The following TRIP6 variants were observed in gnomAD, a reference collection of about 807,000 sequenced individuals.
The protein encoded by TRIP6 is thyroid hormone receptor interactor 6.
A neutral mutation model predicts 51.9 loss-of-function variants in TRIP6; 33 were observed. That is an observed-to-expected ratio of 0.64 (90% CI 0.48 to 0.85). The LOEUF (loss-of-function observed/expected upper bound fraction) is 0.85. TRIP6 is among the 40% of genes least tolerant of loss of function. TRIP6 has a pLI of 0.00. For missense variants in TRIP6, 661 were observed against 652.1 expected (o/e 1.01, Z -0.15); for synonymous variants, 255 against 275.8 (o/e 0.92, Z 0.75).
At chr7:100,872,953 T>G in intron 8 of TRIP6, 1 of 1,069,718 alleles carries the variant, frequency 9.3e-7, no homozygotes, top group Admixed American at 3.0e-5. Flanking sequence ...CGGGTTCAAG[T>G]GATTCTCCTG....
rs1815184086 is a variant in TRIP6 at position 100,868,111 on chromosome 7, C to T, written c.241C>T (p.Leu81Phe). 5 of 1,613,136 alleles carry T rather than the reference C, an allele frequency of 3.1e-6. No homozygotes were observed. Among genetic ancestry groups the T allele is most frequent in the Non-Finnish European group, 4.2e-6 (5 of 1,179,772 alleles). The change falls in exon 3 of 9, where the codon CTC becomes TTC. Residue 81 changes from leucine to phenylalanine, a missense_variant. By Grantham distance (22) the Leu-to-Phe change is conservative. Transcript: ENST00000200457. ...SHGVLQHTQG[L>F]PADRGGLRPG... Reference sequence around the variant, plus strand: ...CCTGCCCTGGCTCCATCCTCAGGGGCTCCCTGCAGACAGGGGGGGCCTTCG... The same window carrying T: ...CCTGCCCTGGCTCCATCCTCAGGGGTTCCCTGCAGACAGGGGGGGCCTTCG...
rs755534293 is a variant in TRIP6, at chr7:100,870,716, G to C, written c.972G>C (p.Arg324Ser). 4.3e-6 allele frequency: 7 copies of C among 1,613,908 alleles called. No individual in the cohort carries two copies. The highest frequency in any genetic ancestry group is 5.9e-6 in the Non-Finnish European group (7 of 1,179,898). Residue 324 changes from arginine to serine, a missense_variant, in exon 6 of 9, where the codon AGG becomes AGC. Transcript: ENST00000200457. ...GCCAGCATTTCTACGCCGTGGAGAG[G>C]AGGGCATATTGCGAGGGCTGCTACG... ...LRGQHFYAVERRAYCEGCYVA... is the reference protein window; with the variant it reads ...LRGQHFYAVESRAYCEGCYVA...
Position 100,867,689 on chromosome 7 carries a change from T to G in TRIP6, c.109+83T>G, listed in dbSNP as rs1815170817. 3.2e-6 allele frequency: 5 copies of G among 1,559,050 alleles called. No homozygotes were observed. Among genetic ancestry groups the G allele is most frequent in the Non-Finnish European group, 3.5e-6 (4 of 1,147,302 alleles). On this transcript the variant is annotated intron_variant, in intron 1 of 8. Transcript: ENST00000200457. The surrounding 1 kb of genome is among the most constrained non-coding windows in gnomAD (Gnocchi z 5.4). The stretch of plus-strand genomic sequence containing the variant: ...TACCGCTCCAGCCTCCCGCCCTGGC[T>G]GCTTCCTCCTGCCCCTTCCCCAAGC...
Position 100,868,667 on chromosome 7 carries a change from G to T in TRIP6, c.536G>T (p.Arg179Met), listed in dbSNP as rs754245561. 5 of 1,607,782 alleles carry T rather than the reference G, an allele frequency of 3.1e-6. No individual in the cohort carries two copies. The highest frequency in any genetic ancestry group is 4.2e-6 in the Non-Finnish European group (5 of 1,176,862). ...CAAGTGAAGGTGGCACAGCCAGTGA[G>T]GGGCTGCGGCCCACCCAGGCGGGGA... The part of the protein sequence containing the change: ...PVQVKVAQPV[R>M]GCGPPRRGAS... Residue 179 changes from arginine (R) to methionine (M), a missense_variant, in exon 4 of 9, where the codon AGG becomes ATG. Transcript: ENST00000200457.
In TRIP6 at chr7:100,870,361, A is replaced by G. The variant is rs368636741; in HGVS notation, c.736-9A>G. 175 of 1,610,578 alleles carry G rather than the reference A, an allele frequency of 1.1e-4. No individual in the cohort carries two copies. The highest frequency in any genetic ancestry group is 2.2e-4 in the Middle Eastern group (1 of 4,494). ...TAGAGTAGGACCGAGCCCGATTCCCACCTTCCAGGTGCCCCTGAGCCAGCC... is the reference window on the plus strand; with the variant it reads ...TAGAGTAGGACCGAGCCCGATTCCCGCCTTCCAGGTGCCCCTGAGCCAGCC... On this transcript the variant is annotated splice_polypyrimidine_tract_variant and intron_variant, in intron 4 of 8. Coordinates refer to ENST00000200457, the MANE Select transcript of TRIP6 (RefSeq NM_003302.3).
chr7:100,873,221 C>T lies in TRIP6; in HGVS notation c.1349C>T (p.Pro450Leu), dbSNP rs1815314359. ...SSEGECQGCYPLDGHILCKAC... is the reference protein window; with the variant it reads ...SSEGECQGCYLLDGHILCKAC... ...GAGGGCGAGTGTCAGGGCTGCTACC[C>T]GCTGGATGGGCACATCTTGTGCAAG... is the stretch of plus-strand genomic sequence containing the variant. Residue 450 changes from proline (P) to leucine (L), a missense_variant, in exon 9 of 9, where the codon CCG becomes CTG. Transcript: ENST00000200457. The T allele has an allele frequency of 5.6e-6, 9 of 1,613,700 alleles. No homozygotes were observed. The highest frequency in any genetic ancestry group is 2.2e-5 in the East Asian group (1 of 44,880).
Position 100,867,998 on chromosome 7 carries a change from G to A in TRIP6, c.237+10G>A. 2 of 1,514,768 alleles carry A rather than the reference G, an allele frequency of 1.3e-6. No individual in the cohort carries two copies. The highest frequency in any genetic ancestry group is 1.3e-5 in the South Asian group (1 of 75,314). The allele number at this position is 1,514,768 out of a possible 1,614,324, so 93.8% of individuals were successfully genotyped here. On this transcript the variant is annotated intron_variant, in intron 2 of 8. Transcript: ENST00000200457. The surrounding 1 kb of genome is among the most constrained non-coding windows in gnomAD (Gnocchi z 5.4). ...ACTCCAGCACACGCAGGTGAGACCC[G>A]GGATCGTGGGGTGGGACATGTGGGA... is the stretch of plus-strand genomic sequence containing the variant.
In TRIP6 at chr7:100,873,401, G is replaced by T; in HGVS notation, c.*98G>T. 2 of 1,467,176 alleles carry T rather than the reference G, an allele frequency of 1.4e-6. No individual in the cohort carries two copies. Among genetic ancestry groups the T allele is most frequent in the Non-Finnish European group, 1.8e-6 (2 of 1,103,958 alleles). 90.9% of individuals were successfully genotyped at this position (1,467,176 alleles called of 1,614,324 possible). On this transcript the variant is annotated 3_prime_UTR_variant, in exon 9 of 9. Coordinates refer to ENST00000200457, the MANE Select transcript of TRIP6 (RefSeq NM_003302.3). ...CACCTGTATGACTTTGTCACCAAAT[G>T]CTGTCTTCTCTTTCTCCAATCAAGA...
chr7:100,870,855 G>T (rs1307125093), intron 6 of TRIP6, 112 bp downstream of exon 6: 2 of 1,393,710 alleles, frequency 1.4e-6, no homozygotes, highest in Non-Finnish European at 1.9e-6. Context: ...TAAAAGCCAG[G>T]CGACTGAAAG....
In TRIP6 at chr7:100,871,579, A is replaced by T. The variant is rs1563003316; in HGVS notation, c.1036A>T (p.Ile346Phe). The T allele has an allele frequency of 6.2e-7, 1 of 1,614,072 alleles. No homozygotes were observed. Among genetic ancestry groups the T allele is most frequent in the Non-Finnish European group, 8.5e-7 (1 of 1,180,016 alleles). The part of the protein sequence containing the change: ...LEKCATCSQP[I>F]LDRILRAMGK... ...GAAATGTGCCACGTGCTCCCAGCCCATCCTGGACCGGATCCTGCGGGCTAT... is the reference window on the plus strand; with the variant it reads ...GAAATGTGCCACGTGCTCCCAGCCCTTCCTGGACCGGATCCTGCGGGCTAT... Residue 346 changes from isoleucine to phenylalanine, a missense_variant, in exon 7 of 9, where the codon ATC becomes TTC. Ile to Phe is a conservative substitution (Grantham distance 21). Coordinates refer to ENST00000200457, the MANE Select transcript of TRIP6 (RefSeq NM_003302.3).
At position 100,873,246 on chromosome 7, in the gene TRIP6, G is replaced by C. The variant is rs1387515809; in HGVS notation, c.1374G>C (p.Lys458Asn). The change falls in exon 9 of 9, where the codon AAG becomes AAC. Residue 458 changes from lysine (K) to asparagine (N), a missense_variant. Physicochemically the swap from Lys to Asn is moderately conservative, Grantham distance 94. Coordinates refer to ENST00000200457, the MANE Select transcript of TRIP6 (RefSeq NM_003302.3). ...CYPLDGHILC[K>N]ACSAWRIQEL... ...CGCTGGATGGGCACATCTTGTGCAAGGCCTGCAGCGCCTGGCGCATCCAGG... is the reference window on the plus strand; with the variant it reads ...CGCTGGATGGGCACATCTTGTGCAACGCCTGCAGCGCCTGGCGCATCCAGG... 5 of 1,613,492 alleles carry C rather than the reference G, an allele frequency of 3.1e-6. No homozygotes were observed.
intron 6 of TRIP6, 116 bp downstream of exon 6, chr7:100,870,859 C>A: frequency 2.2e-6 from 3 of 1,380,776 alleles, no homozygotes; most frequent in Non-Finnish European, 2.9e-6. Flanking sequence ...AGCCAGGCGA[C>A]TGAAAGTGAT....
At chr7:100,872,181 GTTTT>G (rs34239953) in intron 7 of TRIP6, among the ~76,000 whole-genome samples, 2 of 95,592 alleles carry the variant, frequency 2.1e-5, no homozygotes, top group African/African-American at 4.2e-5. Flanking sequence ...CGCCTGGCTA[GTTTT>G]TTTTTTTTTT....
chr7:100,869,578 G>C (rs1815225058), intron 4 of TRIP6, among the ~76,000 whole-genome samples: 1 of 144,552 alleles, frequency 6.9e-6, no homozygotes. Context: ...GTTGCGGTGA[G>C]CCGAGATCGC....
rs1815275585 is a variant in TRIP6, at chr7:100,871,710, G to A, written c.1167G>A (p.Glu389=). The A allele has an allele frequency of 6.2e-7, 1 of 1,613,768 alleles. No homozygotes were observed. The highest frequency in any genetic ancestry group is 1.3e-5 in the African/African-American group (1 of 74,942). The change falls in exon 7 of 9, where the codon GAG becomes GAA. Residue 389 remains glutamate, a synonymous_variant. Coordinates refer to ENST00000200457, the MANE Select transcript of TRIP6 (RefSeq NM_003302.3). ...VDATSQIHCI[E]DFHRKFAPRC... is the part of the protein sequence containing the mutation. ...CTACGAGCCAGATCCACTGCATTGA[G>A]GACTTTCACAGGTCAGGCCTGGCCT... is the stretch of plus-strand genomic sequence containing the variant.
chr7:100,868,971 AGT>A (rs1168277470), intron 4 of TRIP6, 105 bp downstream of exon 4: 1 of 1,354,910 alleles, frequency 7.4e-7, no homozygotes, highest in Non-Finnish European at 9.5e-7. Context: ...TTTGAGACAG[AGT>A]TTTGCTCTTG....
intron 4 of TRIP6, 81 bp downstream of exon 4, chr7:100,868,947 G>A: frequency 3.6e-6 from 5 of 1,406,066 alleles, no homozygotes; most frequent in Admixed American, 5.7e-5. Context: ...GTGTTTTAGG[G>A]GGCTTTTTTG....
chr7:100,870,434 T>C lies in TRIP6; in HGVS notation c.800T>C (p.Met267Thr), dbSNP rs369872800. 10 of 1,613,346 alleles carry C rather than the reference T, an allele frequency of 6.2e-6. No individual in the cohort carries two copies. Among genetic ancestry groups the C allele is most frequent in the Non-Finnish European group, 6.8e-6 (8 of 1,179,944 alleles). Residue 267 changes from methionine to threonine, a missense_variant, in exon 5 of 9, where the codon ATG becomes ACG. Physicochemically the swap from Met to Thr is moderately conservative, Grantham distance 81 (BLOSUM62 -1). Coordinates refer to ENST00000200457, the MANE Select transcript of TRIP6 (RefSeq NM_003302.3). ...CTGACGAAGAAGCTGGTTCACGACA[T>C]GAACCACCCGCCCAGCGGGGAGTAC... ...DRLTKKLVHD[M>T]NHPPSGEYFG...
In TRIP6 at chr7:100,867,926, G is replaced by A. The variant is rs1815178290; in HGVS notation, c.175G>A (p.Gly59Arg). Reference protein sequence around the residue: ...LPSEQCYQAPGGPEDRGPAWV... With the variant: ...LPSEQCYQAPRGPEDRGPAWV... ...ATCTGAGCAGTGTTACCAGGCCCCA[G>A]GGGGACCGGAGGATCGGGGGCCGGC... The change falls in exon 2 of 9, where the codon GGG becomes AGG. Residue 59 changes from glycine to arginine, a missense_variant. Coordinates refer to ENST00000200457, the MANE Select transcript of TRIP6 (RefSeq NM_003302.3). This position sits in a 1 kb window ranked among gnomAD's most constrained non-coding sequence, Gnocchi z 5.4. The A allele has an allele frequency of 2.0e-6, 3 of 1,518,388 alleles. No individual in the cohort carries two copies. The highest frequency in any genetic ancestry group is 1.4e-5 in the African/African-American group (1 of 71,310). 94.1% of individuals were successfully genotyped at this position (1,518,388 alleles called of 1,614,324 possible). A position where few individuals can be genotyped will look rare whatever the true frequency, so the allele number is the denominator to read the frequency against.
Sources: gnomAD v4.1 joint callset for allele counts (sites outside exome capture counted in the v4.1 genomes callset) on GRCh38, gnomAD v4.1.1 for gene constraint, Gnocchi (gnomAD v3.1) non-coding constraint, MANE v1.5 for transcripts, NCBI Gene and HGNC (gene_info 2026-07-23, HGNC 2026-07-21) for gene names.